SLCO6A1: variants seen among roughly 807,000 people sequenced by gnomAD.
SLCO6A1 encodes solute carrier organic anion transporter family member 6A1.
SLCO6A1 carries 65 observed loss-of-function variants against 72.7 expected under a neutral mutation model. That is an observed-to-expected ratio of 0.89 (90% CI 0.73 to 1.10). The LOEUF (loss-of-function observed/expected upper bound fraction) is 1.10, where lower values mean the gene tolerates loss of function less well. Ranked by LOEUF, SLCO6A1 falls within the 50% of genes least tolerant of loss-of-function variation. The probability of loss-of-function intolerance (pLI) is 0.00; values close to 1 mark genes in which losing one functional copy is unlikely to be tolerated. For synonymous variants in SLCO6A1, 314 were observed against 298.2 expected (o/e 1.05, Z -0.55); for missense variants, 874 against 872.6 (o/e 1.00, Z -0.02).
intron 6 of SLCO6A1, among the ~76,000 whole-genome samples, chr5:102,440,724 A>G (rs1274515576): frequency 1.3e-5 from 2 of 152,118 alleles, no homozygotes; most frequent in Non-Finnish European, 2.9e-5. Flanking sequence ...AGCAAAATAT[A>G]TTTTATATTG....
At chr5:102,389,211 C>G (rs911306268) in intron 11 of SLCO6A1, among the ~76,000 whole-genome samples, 21 of 152,166 alleles carry the variant, frequency 1.4e-4, no homozygotes, top group Admixed American at 5.2e-4. Context: ...GTAAAATTTT[C>G]AACGACTGAA....
At chr5:102,428,174 C>T (rs1749018176) in intron 7 of SLCO6A1, among the ~76,000 whole-genome samples, 1 of 151,626 alleles carries the variant, frequency 6.6e-6, no homozygotes, top group African/African-American at 2.4e-5. Flanking sequence ...TGGCCAGAAA[C>T]TCTCAATATT....
In SLCO6A1 at chr5:102,391,438, C is replaced by T. The variant is rs150278801; in HGVS notation, c.1815-393G>A. 5.2e-3 allele frequency among the ~76,000 whole-genome samples: 784 copies of T among 152,196 alleles called. 8 individuals are homozygous for T. Among genetic ancestry groups the T allele is most frequent in the African/African-American group, 0.018 (756 of 41,522 alleles). On this transcript the variant is annotated intron_variant, in intron 10 of 13. Coordinates refer to ENST00000506729, the MANE Select transcript of SLCO6A1 (RefSeq NM_173488.5). ...TCACTCTCCACATTTTTCTACCTTG[C>T]TTTCTGCCCCGGGAGGCTGAGGTAA...
chr5:102,471,245 C>T (rs964983575), intron 4 of SLCO6A1, among the ~76,000 whole-genome samples: 3 of 151,996 alleles, frequency 2.0e-5, no homozygotes, highest in Non-Finnish European at 4.4e-5. Context: ...GAGGTTCAAT[C>T]ACATGTTCTC....
chr5:102,498,539 G>A lies in SLCO6A1; in HGVS notation c.306C>T (p.Cys102=). 1 of 1,614,196 alleles carries A rather than the reference G, an allele frequency of 6.2e-7. No homozygotes were observed. The highest frequency in any genetic ancestry group is 2.2e-5 in the East Asian group (1 of 44,874). The part of the protein sequence containing the change: ...GCLVSTCCEC[C]NNIRCFMIFY... ...AAATCATGAAGCAGCGAATGTTATT[G>A]CAACACTCACAGCAGGTGCTGACTA... Residue 102 remains cysteine (C), a synonymous_variant, in exon 1 of 14, where the codon TGC becomes TGT. Coordinates refer to ENST00000506729, the MANE Select transcript of SLCO6A1 (RefSeq NM_173488.5).
At chr5:102,471,516 C>T (rs769588451) in intron 4 of SLCO6A1, among the ~76,000 whole-genome samples, 1 of 152,022 alleles carries the variant, frequency 6.6e-6, no homozygotes, top group Admixed American at 6.6e-5. Flanking sequence ...TATTCTCTAG[C>T]GTTGTTAAAA....
chr5:102,384,701 G>C (rs182748983), intron 12 of SLCO6A1, among the ~76,000 whole-genome samples: 5 of 151,924 alleles, frequency 3.3e-5, no homozygotes, highest in Admixed American at 3.3e-4. Flanking sequence ...TCATACTTTT[G>C]TTGAGTTGTA....
chr5:102,379,105 T>G (rs1745974090), intron 12 of SLCO6A1, among the ~76,000 whole-genome samples: 1 of 152,124 alleles, frequency 6.6e-6, no homozygotes, highest in African/African-American at 2.4e-5. Flanking sequence ...GGGTATTTGA[T>G]ATCTACTTTT....
intron 1 of SLCO6A1, among the ~76,000 whole-genome samples, chr5:102,496,992 A>G (rs1422678228): frequency 1.3e-5 from 2 of 152,256 alleles, no homozygotes; most frequent in Non-Finnish European, 2.9e-5. Flanking sequence ...TAATCTCAAG[A>G]CAAACTCGAT....
intron 4 of SLCO6A1, among the ~76,000 whole-genome samples, chr5:102,463,056 GA>G (rs1195029797): frequency 6.6e-6 from 1 of 151,880 alleles, no homozygotes; most frequent in Non-Finnish European, 1.5e-5. Context: ...AATCAACTAG[GA>G]ATTCAAACAA....
intron 5 of SLCO6A1, 125 bp downstream of exon 5, chr5:102,459,531 C>A: frequency 2.7e-6 from 3 of 1,105,878 alleles, no homozygotes; most frequent in Non-Finnish European, 3.7e-6. Flanking sequence ...ATCTCTATGA[C>A]AAACCACTAC....
chr5:102,469,530 G>A (rs1272343194), intron 4 of SLCO6A1, among the ~76,000 whole-genome samples: 1 of 152,174 alleles, frequency 6.6e-6, no homozygotes, highest in Non-Finnish European at 1.5e-5. Flanking sequence ...CTTTGCTGAA[G>A]TTGCTTATCA....
At chr5:102,491,869 G>A (rs1752696669) in intron 1 of SLCO6A1, among the ~76,000 whole-genome samples, 1 of 152,266 alleles carries the variant, frequency 6.6e-6, no homozygotes, top group Non-Finnish European at 1.5e-5. Flanking sequence ...TGCAGAGAGC[G>A]AGCGAGGGCT....
chr5:102,443,947 G>A (rs540123009), intron 6 of SLCO6A1, among the ~76,000 whole-genome samples: 48 of 152,184 alleles, frequency 3.2e-4, no homozygotes, highest in African/African-American at 1.1e-3. Flanking sequence ...TCCCTATCTC[G>A]CAGTACTGTG....
chr5:102,376,720 G>C (rs1384245703), intron 12 of SLCO6A1, among the ~76,000 whole-genome samples: 2 of 152,026 alleles, frequency 1.3e-5, no homozygotes, highest in Non-Finnish European at 2.9e-5. Flanking sequence ...TGCAAAATAT[G>C]CATTTCTAGG....
chr5:102,475,027 C>T (rs1048486950), intron 4 of SLCO6A1, among the ~76,000 whole-genome samples: 15 of 151,744 alleles, frequency 9.9e-5, no homozygotes, highest in East Asian at 5.8e-4. Flanking sequence ...AAAAGTTTTT[C>T]GAAAAAATAA....
chr5:102,482,550 G>A (rs1050906755), intron 1 of SLCO6A1, among the ~76,000 whole-genome samples: 30 of 152,160 alleles, frequency 2.0e-4, no homozygotes, highest in Admixed American at 1.4e-3. Flanking sequence ...GTGGTTGAAT[G>A]TTGTCTACTA....
chr5:102,445,060 C>T (rs917898261), intron 6 of SLCO6A1, among the ~76,000 whole-genome samples: 2 of 152,046 alleles, frequency 1.3e-5, no homozygotes, highest in African/African-American at 2.4e-5. Flanking sequence ...TATGATAGAA[C>T]AATTTATATT....
At chr5:102,377,181 G>A (rs1377087041) in intron 12 of SLCO6A1, among the ~76,000 whole-genome samples, 2 of 151,984 alleles carry the variant, frequency 1.3e-5, no homozygotes, top group East Asian at 3.9e-4. Flanking sequence ...TATATACACA[G>A]AAGCCTCATT....
Sources: gnomAD v4.1 joint callset for allele counts (sites outside exome capture counted in the v4.1 genomes callset) on GRCh38, gnomAD v4.1.1 for gene constraint, MANE v1.5 for transcripts, NCBI Gene and HGNC (gene_info 2026-07-23, HGNC 2026-07-21) for gene names.